SWT1: variants seen among roughly 807,000 people sequenced by gnomAD.
The protein encoded by SWT1 is SWT1 RNA endoribonuclease homolog.
SWT1 carries 33 observed loss-of-function variants against 107.3 expected under a neutral mutation model. The observed-to-expected ratio is 0.31, with a 90% CI of 0.23 to 0.41. The LOEUF is 0.41. Ranked by LOEUF, SWT1 falls within the 10% of genes least tolerant of loss-of-function variation. SWT1 has a pLI of 1.00. For synonymous variants in SWT1, 345 were observed against 348.3 expected (o/e 0.99, Z 0.11); for missense variants, 898 against 1,028.9 (o/e 0.87, Z 1.74).
At chr1:185,284,455 A>T (rs1399279203) in intron 18 of SWT1, among the ~76,000 whole-genome samples, 1 of 152,240 alleles carries the variant, frequency 6.6e-6, no homozygotes, top group African/African-American at 2.4e-5. Flanking sequence ...GGAAATGTTG[A>T]CCTAAAAGGA....
intron 16 of SWT1, among the ~76,000 whole-genome samples, chr1:185,237,777 G>A (rs564592095): frequency 1.4e-4 from 21 of 152,232 alleles, no homozygotes; most frequent in African/African-American, 4.8e-4. Context: ...ATGGGACCTG[G>A]TCAGACATTT....
Position 185,263,868 on chromosome 1 carries a change from A to T in SWT1, c.2442-7455A>T, listed in dbSNP as rs140540925. 131 of 152,376 alleles carry T rather than the reference A, an allele frequency of 8.6e-4. 1 individual carries two copies. Among genetic ancestry groups the T allele is most frequent in the African/African-American group, 3.1e-3 (130 of 41,596 alleles). The allele number at this position is 152,376 out of a possible 1,614,324, so 9.4% of individuals were successfully genotyped here. On this transcript the variant is annotated intron_variant, in intron 16 of 18. Transcript: ENST00000367500. ...TCTAAATTACCTCTGTAAAGCCCTT[A>T]TCTCCAAATATATCCATATCCTGGG...
At chr1:185,266,354 G>A (rs544658923) in intron 16 of SWT1, among the ~76,000 whole-genome samples, 60 of 152,308 alleles carry the variant, frequency 3.9e-4, no homozygotes, top group Non-Finnish European at 6.2e-4. Context: ...GTGAGCCACC[G>A]TGCCCAGCCT....
At chr1:185,290,631 G>A in intron 18 of SWT1, 43 bp from the exon 19 acceptor site, 1 of 1,439,186 alleles carries the variant, frequency 6.9e-7, no homozygotes, top group Non-Finnish European at 9.2e-7. Flanking sequence ...TTATTTCTCT[G>A]ACTAGCTGTC....
intron 16 of SWT1, among the ~76,000 whole-genome samples, chr1:185,235,815 G>A (rs560386565): frequency 6.6e-6 from 1 of 152,228 alleles, no homozygotes; most frequent in South Asian, 2.1e-4. Flanking sequence ...CATCGTCTCA[G>A]CCCAAAATCT....
chr1:185,245,604 T>C (rs992910063), intron 16 of SWT1, among the ~76,000 whole-genome samples: 15 of 152,214 alleles, frequency 9.9e-5, no homozygotes, highest in African/African-American at 3.4e-4. Flanking sequence ...CTGTACTTAA[T>C]TGTATGTGCT....
rs144892990 is a variant in SWT1 at position 185,224,492 on chromosome 1, AT to A, written c.2309+2465del. Among the ~76,000 whole-genome samples the A allele has an allele frequency of 2.8e-4, 42 of 151,474 alleles. No homozygotes were observed. The South Asian group carries it at 5.4e-3, about 20-fold the overall frequency. ...TCAAATTTGGCATGTGAAATTTATGATTTTTTTTTGTTTCTATGAAGAATGA... is the reference window on the plus strand; with the variant it reads ...TCAAATTTGGCATGTGAAATTTATGATTTTTTTTGTTTCTATGAAGAATGA... On this transcript the variant is annotated intron_variant, in intron 15 of 18. Coordinates refer to ENST00000367500, the MANE Select transcript of SWT1 (RefSeq NM_017673.7).
chr1:185,166,704 C>A, intron 3 of SWT1, 52 bp downstream of exon 3: 3 of 1,183,766 alleles, frequency 2.5e-6, no homozygotes, highest in South Asian at 1.4e-5. Flanking sequence ...AAGTTTTAAT[C>A]GACAGTGTTT....
intron 11 of SWT1, among the ~76,000 whole-genome samples, chr1:185,204,161 C>A (rs1354000778): frequency 2.0e-5 from 3 of 152,014 alleles, no homozygotes; most frequent in Non-Finnish European, 4.4e-5. Flanking sequence ...TCCGTTTTTG[C>A]CAGCTACTCG....
intron 4 of SWT1, among the ~76,000 whole-genome samples, chr1:185,170,533 A>C (rs1172962543): frequency 6.6e-6 from 1 of 152,130 alleles, no homozygotes; most frequent in African/African-American, 2.4e-5. Flanking sequence ...GAGCCTCCAG[A>C]GCTCTCGGCA....
chr1:185,267,145 C>T (rs1294123225), intron 16 of SWT1, among the ~76,000 whole-genome samples: 1 of 152,168 alleles, frequency 6.6e-6, no homozygotes, highest in Non-Finnish European at 1.5e-5. Flanking sequence ...AAACATTGGA[C>T]TTTGGTTTCT....
chr1:185,193,467 C>CTT lies in SWT1; in HGVS notation c.1523+2838_1523+2839dup, dbSNP rs770162424. On this transcript the variant is annotated intron_variant, in intron 10 of 18. Transcript: ENST00000367500. ...ACCTTACTGGCCTACTTTTTCTTTT[C>CTT]TTTTTTTTTTTTTTCCTGAGATGGA... Among the ~76,000 whole-genome samples the CTT allele has an allele frequency of 6.1e-3, 847 of 139,472 alleles. 30 individuals carry two copies. The East Asian group carries it at 0.093, about 15-fold the overall frequency. 91.5% of individuals were successfully genotyped at this position (139,472 alleles called of 152,430 possible).
intron 16 of SWT1, among the ~76,000 whole-genome samples, chr1:185,248,863 A>G (rs942961567): frequency 2.0e-5 from 3 of 151,732 alleles, no homozygotes; most frequent in African/African-American, 4.8e-5. Flanking sequence ...ATTCCATACC[A>G]TATGGTTTAT....
At position 185,242,445 on chromosome 1, in the gene SWT1, C is replaced by A. The variant is rs75592197; in HGVS notation, c.2441+10737C>A. 5.6e-3 allele frequency among the ~76,000 whole-genome samples: 846 copies of A among 152,114 alleles called. 34 individuals are homozygous for A. In the East Asian group the frequency reaches 0.094, roughly 17 times the overall value. ...TAAAACTCTTATCTGTGTTTCCCAGCATTTGTCATTCAAGAATTGGAAATA... is the reference window on the plus strand; with the variant it reads ...TAAAACTCTTATCTGTGTTTCCCAGAATTTGTCATTCAAGAATTGGAAATA... On this transcript the variant is annotated intron_variant, in intron 16 of 18. Transcript: ENST00000367500.
intron 10 of SWT1, among the ~76,000 whole-genome samples, chr1:185,195,698 C>A (rs1384065576): frequency 6.6e-6 from 1 of 152,098 alleles, no homozygotes; most frequent in Non-Finnish European, 1.5e-5. Context: ...TTCTAACTGG[C>A]ATGAGATGGT....
At chr1:185,267,994 A>AT (rs1385460728) in intron 16 of SWT1, among the ~76,000 whole-genome samples, 4 of 152,086 alleles carry the variant, frequency 2.6e-5, no homozygotes, top group Non-Finnish European at 4.4e-5. Flanking sequence ...AAAGTTTGCA[A>AT]TTTTTTTGTG....
chr1:185,195,137 A>G (rs557018470), intron 10 of SWT1, among the ~76,000 whole-genome samples: 1 of 152,168 alleles, frequency 6.6e-6, no homozygotes, highest in African/African-American at 2.4e-5. Context: ...TCCTAATGCT[A>G]TCCTTCCCCT....
intron 16 of SWT1, among the ~76,000 whole-genome samples, chr1:185,265,112 C>A (rs1663280870): frequency 6.6e-6 from 1 of 152,048 alleles, no homozygotes; most frequent in Non-Finnish European, 1.5e-5. Flanking sequence ...TTTGTCCAAA[C>A]TTTTATCAAA....
chr1:185,176,942 C>T (rs530593403), intron 5 of SWT1: 53 of 723,934 alleles, frequency 7.3e-5, no homozygotes, highest in Non-Finnish European at 8.1e-5. Context: ...CAAGATCGCG[C>T]CACTGCACTC....
Sources: allele counts gnomAD v4.1 joint callset (sites outside exome capture counted in the v4.1 genomes callset), GRCh38; gene constraint gnomAD v4.1.1; transcripts MANE v1.5; gene names NCBI Gene and HGNC (gene_info 2026-07-23, HGNC 2026-07-21).